The following PHAX variants were observed in gnomAD, a reference collection of about 807,000 sequenced individuals.
PHAX encodes the protein phosphorylated adapter RNA export protein.
Under a neutral mutation model 41.6 loss-of-function variants are expected in PHAX, and 31 were observed. That is an observed-to-expected ratio of 0.75 (90% CI 0.56 to 1.01). The LOEUF (loss-of-function observed/expected upper bound fraction) is 1.01. Among genes scored for constraint, PHAX ranks in the 50% least tolerant of loss-of-function variants. The pLI is 0.00. For missense variants in PHAX, 453 were observed against 472.9 expected (o/e 0.96, Z 0.39); for synonymous variants, 175 against 164.9 (o/e 1.06, Z -0.47).
At chr5:126,617,165 C>T in intron 3 of PHAX, 85 bp from the exon 4 acceptor site, 3 of 722,556 alleles carry the variant, frequency 4.2e-6, no homozygotes, top group Non-Finnish European at 7.1e-6. Context: ...TTCTTCTATC[C>T]CCTTAATTGT....
intron 1 of PHAX, among the ~76,000 whole-genome samples, chr5:126,602,235 C>A (rs1376417874): frequency 2.6e-5 from 4 of 152,290 alleles, no homozygotes; most frequent in African/African-American, 9.6e-5. Context: ...GCGCGAGCCA[C>A]CGCGCCCGGC....
intron 4 of PHAX, among the ~76,000 whole-genome samples, chr5:126,618,729 G>T (rs1752225250): frequency 6.8e-6 from 1 of 148,104 alleles, no homozygotes. Flanking sequence ...GCAGTGTCAT[G>T]ATCTCGGCAA....
rs759175447 is a variant in PHAX at position 126,617,268 on chromosome 5, A to C, written c.850A>C (p.Thr284Pro). The C allele has an allele frequency of 6.2e-7, 1 of 1,610,866 alleles. No homozygotes were observed. ...LFIMNGSRRR[T>P]PGGVFLNLLK... is the part of the protein sequence containing the mutation. ...TTTGTAGAATGGTAGTCGAAGAAGA[A>C]CACCAGGTGGAGTTTTTCTGAATCT... The change falls in exon 4 of 5, where the codon ACA becomes CCA. Residue 284 changes from threonine to proline, a missense_variant. Transcript: ENST00000297540.
intron 3 of PHAX, among the ~76,000 whole-genome samples, chr5:126,615,302 A>G (rs945918286): frequency 3.3e-5 from 5 of 152,160 alleles, no homozygotes; most frequent in Non-Finnish European, 7.3e-5. Flanking sequence ...CCTACCTGGT[A>G]AAAGTTATTC....
intron 4 of PHAX, among the ~76,000 whole-genome samples, chr5:126,622,276 G>A (rs1429802333): frequency 1.3e-5 from 2 of 151,966 alleles, no homozygotes; most frequent in Non-Finnish European, 1.5e-5. Context: ...TTGGATTATA[G>A]GCTCGCACCA....
In PHAX at chr5:126,625,952, C is replaced by G. The variant is rs1752342601; in HGVS notation, c.*1108C>G. ...CCTAATGATCTGCCCACCTCTGCCTCCCAAAGTGCTGGGATCACAGGCATG... is the reference window on the plus strand; with the variant it reads ...CCTAATGATCTGCCCACCTCTGCCTGCCAAAGTGCTGGGATCACAGGCATG... On this transcript the variant is annotated 3_prime_UTR_variant, in exon 5 of 5. Coordinates refer to ENST00000297540, the MANE Select transcript of PHAX (RefSeq NM_032177.4). 6.6e-6 allele frequency: 1 copy of G among 152,234 alleles called. No homozygotes were observed. The highest frequency in any genetic ancestry group is 1.5e-5 in the Non-Finnish European group (1 of 68,074). 9.4% of individuals were successfully genotyped at this position (152,234 alleles called of 1,614,324 possible). A position where few individuals can be genotyped will look rare whatever the true frequency, so the allele number is the denominator to read the frequency against.
intron 3 of PHAX, among the ~76,000 whole-genome samples, chr5:126,611,057 TTTG>T (rs1438404894): frequency 7.9e-5 from 7 of 88,418 alleles, no homozygotes; most frequent in African/African-American, 2.1e-4. Flanking sequence ...CGTTTGTTTG[TTTG>T]TTTGTTTGTT....
At chr5:126,604,959 G>A (rs1448978596) in intron 2 of PHAX, among the ~76,000 whole-genome samples, 3 of 151,892 alleles carry the variant, frequency 2.0e-5, no homozygotes, top group Non-Finnish European at 2.9e-5. Context: ...ACTTGAACCC[G>A]GGAGGCGGAG....
chr5:126,606,897 T>C (rs1337559452), intron 2 of PHAX, among the ~76,000 whole-genome samples: 1 of 152,054 alleles, frequency 6.6e-6, no homozygotes, highest in African/African-American at 2.4e-5. Context: ...CCTCAGATGA[T>C]CCACCCCCTT....
At chr5:126,619,180 G>A (rs1231992811) in intron 4 of PHAX, among the ~76,000 whole-genome samples, 1 of 152,134 alleles carries the variant, frequency 6.6e-6, no homozygotes, top group Non-Finnish European at 1.5e-5. Context: ...TCCCACCTTG[G>A]CCTCCGAAAG....
intron 3 of PHAX, among the ~76,000 whole-genome samples, chr5:126,612,409 C>A (rs1752115920): frequency 6.6e-6 from 1 of 152,052 alleles, no homozygotes; most frequent in Non-Finnish European, 1.5e-5. Flanking sequence ...ATAAGAAATG[C>A]ATTTCCTAGG....
chr5:126,616,493 A>G (rs1274859821), intron 3 of PHAX, among the ~76,000 whole-genome samples: 2 of 152,012 alleles, frequency 1.3e-5, no homozygotes, highest in African/African-American at 4.8e-5. Flanking sequence ...TTTTTTTTCT[A>G]GGTTTTCTAT....
At chr5:126,617,358 A>C (rs1172177895) in intron 4 of PHAX, 25 bp downstream of exon 4, 2 of 1,390,052 alleles carry the variant, frequency 1.4e-6, no homozygotes, top group African/African-American at 2.8e-5. Context: ...CTCACCTCTT[A>C]AGCGCCATCA....
In PHAX at chr5:126,625,003, A is replaced by G. The variant is rs1031035700; in HGVS notation, c.*159A>G. 9.4e-6 allele frequency: 6 copies of G among 641,232 alleles called. No homozygotes were observed. Among genetic ancestry groups the G allele is most frequent in the African/African-American group, 1.8e-5 (1 of 54,424 alleles). The allele number at this position is 641,232 out of a possible 1,614,324, so 39.7% of individuals were successfully genotyped here. The stretch of plus-strand genomic sequence containing the variant: ...ATATGTGTGGAAAGGAATGCAATTG[A>G]TAGAACATTTAAAGATATATCTGAC... On this transcript the variant is annotated 3_prime_UTR_variant, in exon 5 of 5. Coordinates refer to ENST00000297540, the MANE Select transcript of PHAX (RefSeq NM_032177.4).
intron 3 of PHAX, among the ~76,000 whole-genome samples, chr5:126,611,077 T>C (rs1446920586): frequency 6.8e-6 from 1 of 146,716 alleles, no homozygotes; most frequent in Non-Finnish European, 1.5e-5. Flanking sequence ...TGTTTTGAGA[T>C]GTAGTTTTGC....
rs1026060612 is a variant in PHAX at position 126,608,312 on chromosome 5, C to T, written c.711-52C>T. 3.8e-6 allele frequency: 6 copies of T among 1,561,252 alleles called. No homozygotes were observed. The East Asian group carries it at 1.1e-4, about 30-fold the overall frequency. ...TCTAGCTGGTGACTAAGGTAGATTT[C>T]TTCAACTTTGTACAACAAACAAAGA... On this transcript the variant is annotated intron_variant, in intron 2 of 4. Coordinates refer to ENST00000297540, the MANE Select transcript of PHAX (RefSeq NM_032177.4).
chr5:126,600,999 C>T lies in PHAX; in HGVS notation c.37C>T (p.Leu13Phe), dbSNP rs764612839. 1.1e-5 allele frequency: 17 copies of T among 1,605,704 alleles called. No individual in the cohort carries two copies. In the South Asian group the frequency reaches 1.8e-4, roughly 17 times the overall value. The change falls in exon 1 of 5, where the codon CTT becomes TTT. Residue 13 changes from leucine (L) to phenylalanine (F), a missense_variant. Physicochemically the swap from Leu to Phe is conservative, Grantham distance 22. Transcript: ENST00000297540. ...GGTCGGCGATATGGAAGATGGGCAG[C>T]TTTCCGACTCGGATTCCGACATGAC... ...LEVGDMEDGQ[L>F]SDSDSDMTVA...
chr5:126,606,084 A>T (rs1751982981), intron 2 of PHAX, among the ~76,000 whole-genome samples: 1 of 152,176 alleles, frequency 6.6e-6, no homozygotes, highest in Admixed American at 6.6e-5. Flanking sequence ...TGGATATTTC[A>T]TATAAATGGT....
In PHAX at chr5:126,608,443, G is replaced by C; in HGVS notation, c.790G>C (p.Glu264Gln). ...CAAAAAGGCAATTGAACTTCTGATG[G>C]AAACCGCTGAAGTTGAACAAAATGG... The part of the protein sequence containing the change: ...GNKKAIELLM[E>Q]TAEVEQNGGL... Residue 264 changes from glutamate to glutamine, a missense_variant, in exon 3 of 5, where the codon GAA (glutamate) becomes CAA (glutamine). Physicochemically the swap from Glu to Gln is conservative, Grantham distance 29 (BLOSUM62 2). Coordinates refer to ENST00000297540, the MANE Select transcript of PHAX (RefSeq NM_032177.4). The C allele has an allele frequency of 6.2e-7, 1 of 1,613,908 alleles. No homozygotes were observed. The highest frequency in any genetic ancestry group is 8.5e-7 in the Non-Finnish European group (1 of 1,179,822).
Sources: gnomAD v4.1 joint callset for allele counts (sites outside exome capture counted in the v4.1 genomes callset) on GRCh38, gnomAD v4.1.1 for gene constraint, MANE v1.5 for transcripts, NCBI Gene and HGNC (gene_info 2026-07-23, HGNC 2026-07-21) for gene names.